SPATA16: variants seen among roughly 807,000 people sequenced by gnomAD.
SPATA16 encodes the protein spermatogenesis-associated protein 16.
A neutral mutation model predicts 63.3 loss-of-function variants in SPATA16; 36 were observed. The ratio of observed to expected loss-of-function variants is 0.57; its 90% CI spans 0.44 to 0.75. The LOEUF is 0.75. Among genes scored for constraint, SPATA16 ranks in the 30% least tolerant of loss-of-function variants. The pLI is 0.00. For synonymous variants in SPATA16, 203 were observed against 216.7 expected (o/e 0.94, Z 0.56); for missense variants, 646 against 679.3 (o/e 0.95, Z 0.54).
At chr3:173,139,545 C>T (rs998607534) in intron 1 of SPATA16, among the ~76,000 whole-genome samples, 2 of 152,196 alleles carry the variant, frequency 1.3e-5, no homozygotes, top group South Asian at 2.1e-4. Flanking sequence ...GGTGTTTGCA[C>T]TGCTTTTGTT....
At chr3:172,973,697 A>C (rs1734094177) in intron 5 of SPATA16, among the ~76,000 whole-genome samples, 1 of 152,208 alleles carries the variant, frequency 6.6e-6, no homozygotes, top group South Asian at 2.1e-4. Flanking sequence ...GAGGTGGACT[A>C]GATTTTAATA....
chr3:172,988,097 T>C (rs889928270), intron 4 of SPATA16, among the ~76,000 whole-genome samples: 4 of 152,184 alleles, frequency 2.6e-5, no homozygotes, highest in African/African-American at 9.7e-5. Context: ...AAAACAGTTA[T>C]TAGCCAGAAT....
intron 9 of SPATA16, among the ~76,000 whole-genome samples, chr3:172,914,144 C>T (rs1732429727): frequency 1.3e-5 from 2 of 152,164 alleles, no homozygotes. Context: ...AGCAAAAGCT[C>T]ACCAGAGGAC....
At chr3:172,955,583 G>C (rs893363098) in intron 6 of SPATA16, among the ~76,000 whole-genome samples, 5 of 151,890 alleles carry the variant, frequency 3.3e-5, no homozygotes, top group Non-Finnish European at 5.9e-5. Context: ...TTGTTCCTTA[G>C]GGATTTACTA....
chr3:173,086,348 C>A (rs1342571689), intron 2 of SPATA16, among the ~76,000 whole-genome samples: 1 of 151,938 alleles, frequency 6.6e-6, no homozygotes, highest in Non-Finnish European at 1.5e-5. Flanking sequence ...TTCTCTCTGA[C>A]AATTGTTTGT....
At chr3:172,963,958 G>C (rs372735523) in intron 5 of SPATA16, among the ~76,000 whole-genome samples, 1 of 152,060 alleles carries the variant, frequency 6.6e-6, no homozygotes, top group Non-Finnish European at 1.5e-5. Context: ...ATCAAGTTTT[G>C]ATTCCCTTCT....
intron 10 of SPATA16, among the ~76,000 whole-genome samples, chr3:172,891,877 A>G (rs1042879028): frequency 1.3e-5 from 2 of 152,110 alleles, no homozygotes; most frequent in Admixed American, 1.3e-4. Context: ...ACATTTTTTC[A>G]TCTCTTTAGA....
chr3:172,994,835 G>A (rs1197633856), intron 4 of SPATA16, among the ~76,000 whole-genome samples: 3 of 152,040 alleles, frequency 2.0e-5, no homozygotes, highest in Non-Finnish European at 2.9e-5. Flanking sequence ...TATTCTGTGG[G>A]CATTTTAACT....
intron 4 of SPATA16, among the ~76,000 whole-genome samples, chr3:172,990,801 C>G (rs1347556605): frequency 6.6e-6 from 1 of 152,118 alleles, no homozygotes; most frequent in African/African-American, 2.4e-5. Context: ...TCATATCTCT[C>G]ATGAAGAAGC....
At chr3:172,915,786 T>C (rs1342515088) in intron 9 of SPATA16, among the ~76,000 whole-genome samples, 1 of 152,202 alleles carries the variant, frequency 6.6e-6, no homozygotes, top group African/African-American at 2.4e-5. Flanking sequence ...AAACCCCATC[T>C]ATTTTGACTA....
At chr3:172,920,959 A>G (rs1338893335) in intron 8 of SPATA16, among the ~76,000 whole-genome samples, 1 of 152,042 alleles carries the variant, frequency 6.6e-6, no homozygotes, top group Admixed American at 6.5e-5. Context: ...GCCCATTTTC[A>G]TTAAATAACT....
chr3:172,920,517 G>C (rs921853702), intron 8 of SPATA16, among the ~76,000 whole-genome samples: 8 of 152,188 alleles, frequency 5.3e-5, no homozygotes, highest in Non-Finnish European at 1.0e-4. Flanking sequence ...CTTTGGTTGA[G>C]AGTAAGTTGC....
intron 10 of SPATA16, among the ~76,000 whole-genome samples, chr3:172,889,935 T>C (rs568690212): frequency 1.3e-5 from 2 of 152,300 alleles, no homozygotes; most frequent in East Asian, 3.9e-4. Flanking sequence ...GTCCAAGGTA[T>C]TGGGAATGGA....
chr3:172,907,331 C>A (rs1477180391), intron 10 of SPATA16, among the ~76,000 whole-genome samples: 2 of 152,228 alleles, frequency 1.3e-5, no homozygotes, highest in Middle Eastern at 3.2e-3. Context: ...TCCACTCCTA[C>A]CACTGCGTTC....
At chr3:172,898,255 A>C (rs1361471516) in intron 10 of SPATA16, among the ~76,000 whole-genome samples, 1 of 151,974 alleles carries the variant, frequency 6.6e-6, no homozygotes, top group East Asian at 1.9e-4. Context: ...TACTAGATTT[A>C]TAACATGAAT....
At chr3:173,067,494 A>C (rs981969319) in intron 2 of SPATA16, among the ~76,000 whole-genome samples, 1 of 152,168 alleles carries the variant, frequency 6.6e-6, no homozygotes, top group East Asian at 1.9e-4. Context: ...GTTGTGCACT[A>C]TTCTAATTAC....
chr3:173,008,825 C>T (rs900999625), intron 4 of SPATA16, among the ~76,000 whole-genome samples: 4 of 152,060 alleles, frequency 2.6e-5, no homozygotes, highest in South Asian at 4.2e-4. Context: ...TAAATCATTC[C>T]GTGACTTTAG....
At chr3:172,919,895 G>C (rs930955795) in intron 8 of SPATA16, among the ~76,000 whole-genome samples, 2 of 152,134 alleles carry the variant, frequency 1.3e-5, no homozygotes, top group Admixed American at 1.3e-4. Flanking sequence ...GTCTCACCAT[G>C]TTGGTCAGGC....
rs1009973463 is a variant in SPATA16 at position 173,076,686 on chromosome 3, A to G, written c.613-27592T>C. Among the ~76,000 whole-genome samples the G allele has an allele frequency of 3.9e-5, 6 of 152,170 alleles. 1 individual carries two copies. Among genetic ancestry groups the G allele is most frequent in the African/African-American group, 1.4e-4 (6 of 41,456 alleles). Reference sequence around the variant, plus strand: ...ATAGATGAGGGAAATATATTAGTCAATATTGTGACTTTTTAAAGAGTTTGC... The same window carrying G: ...ATAGATGAGGGAAATATATTAGTCAGTATTGTGACTTTTTAAAGAGTTTGC... On this transcript the variant is annotated intron_variant, in intron 2 of 10. Coordinates refer to ENST00000351008, the MANE Select transcript of SPATA16 (RefSeq NM_031955.6).
Sources: gnomAD v4.1 joint callset for allele counts (sites outside exome capture counted in the v4.1 genomes callset) on GRCh38, gnomAD v4.1.1 for gene constraint, MANE v1.5 for transcripts, NCBI Gene and HGNC (gene_info 2026-07-23, HGNC 2026-07-21) for gene names.